The following CDH13 variants were observed in gnomAD, a reference collection of about 807,000 sequenced individuals.
CDH13 encodes the protein cadherin 13, also known as cadherin-13.
In CDH13, 24 loss-of-function variants were observed where a neutral mutation model predicts 63.8. The observed-to-expected ratio is 0.38, with a 90% CI of 0.27 to 0.53. The LOEUF (loss-of-function observed/expected upper bound fraction) is 0.53, where lower values mean the gene tolerates loss of function less well. Among genes scored for constraint, CDH13 ranks in the 20% least tolerant of loss-of-function variants. The pLI, the probability that CDH13 is intolerant of heterozygous loss-of-function variation, is 0.85. For missense variants in CDH13, 1,049 were observed against 903.1 expected, an observed-to-expected ratio of 1.16 and a Z score of -2.07; for synonymous variants, 503 against 355.3, an observed-to-expected ratio of 1.42 and a Z score of -4.67.
intron 1 of CDH13, among the ~76,000 whole-genome samples, chr16:82,638,903 T>C (rs1240960611): frequency 6.6e-6 from 1 of 151,464 alleles, no homozygotes; most frequent in African/African-American, 2.4e-5. Context: ...CACAATTCAC[T>C]GTAGTTGCTA....
chr16:83,172,143 A>T (rs750368425), intron 4 of CDH13, among the ~76,000 whole-genome samples: 65 of 150,500 alleles, frequency 4.3e-4, no homozygotes, highest in Non-Finnish European at 9.1e-4. Flanking sequence ...ACTGATGCCT[A>T]TAAAAAGAGA....
chr16:83,750,775 G>A (rs995223096), intron 11 of CDH13, among the ~76,000 whole-genome samples: 1 of 152,156 alleles, frequency 6.6e-6, no homozygotes, highest in Admixed American at 6.5e-5. Flanking sequence ...TCCCTCAGCA[G>A]GAACCAAACC....
At chr16:83,495,425 T>G (rs569658116) in intron 7 of CDH13, among the ~76,000 whole-genome samples, 4 of 152,132 alleles carry the variant, frequency 2.6e-5, no homozygotes, top group Non-Finnish European at 4.4e-5. Context: ...GTTCTTACTA[T>G]GTAGACGAAG....
At chr16:83,110,455 C>T (rs35228711) in intron 3 of CDH13, among the ~76,000 whole-genome samples, 69,231 of 151,996 alleles carry the variant, frequency 0.46, 16,455 homozygotes, top group Middle Eastern at 0.62. Flanking sequence ...GGGGAAAGTT[C>T]CCGAAGGGGT....
chr16:83,397,605 T>C (rs1327412155), intron 6 of CDH13: 1 of 152,110 alleles, frequency 6.6e-6, no homozygotes, highest in African/African-American at 2.4e-5. Flanking sequence ...ATCACCCCAA[T>C]ACTTAGGAGG....
chr16:82,913,094 T>A (rs1202805838), intron 2 of CDH13, among the ~76,000 whole-genome samples: 1 of 152,210 alleles, frequency 6.6e-6, no homozygotes, highest in African/African-American at 2.4e-5. Context: ...TGTATGAGAC[T>A]CTCTGAGTAA....
In CDH13 at chr16:82,729,098, G is replaced by A. The variant is rs373599515; in HGVS notation, c.45+101961G>A. The stretch of plus-strand genomic sequence containing the variant: ...TCTTTCAGTTTCCACCACATCTGCC[G>A]TTACTTCCTCTACTGAAGTCATAAA... On this transcript the variant is annotated intron_variant, in intron 1 of 13. Coordinates refer to ENST00000567109, the MANE Select transcript of CDH13 (RefSeq NM_001257.5). Among the ~76,000 whole-genome samples, 2 of 152,172 alleles carry A rather than the reference G, an allele frequency of 1.3e-5. 1 individual carries two copies.
intron 2 of CDH13, among the ~76,000 whole-genome samples, chr16:82,975,249 G>A (rs78990268): frequency 2.4e-4 from 37 of 152,332 alleles, no homozygotes; most frequent in Non-Finnish European, 5.1e-4. Flanking sequence ...CATTAGGAAA[G>A]CAGAGATAAG....
At chr16:83,105,629 C>T (rs895688473) in intron 3 of CDH13, among the ~76,000 whole-genome samples, 1 of 151,780 alleles carries the variant, frequency 6.6e-6, no homozygotes, top group Non-Finnish European at 1.5e-5. Flanking sequence ...TATTAGATGG[C>T]ATGAATTAAA....
At chr16:83,468,625 T>A (rs1304215453) in intron 6 of CDH13, among the ~76,000 whole-genome samples, 1 of 152,176 alleles carries the variant, frequency 6.6e-6, no homozygotes, top group Non-Finnish European at 1.5e-5. Flanking sequence ...GGCAAATCTT[T>A]CCTAGATAAT....
intron 8 of CDH13, among the ~76,000 whole-genome samples, chr16:83,613,900 C>G (rs1393038701): frequency 3.9e-5 from 6 of 151,966 alleles, no homozygotes; most frequent in African/African-American, 1.5e-4. Flanking sequence ...ATTTCAAATT[C>G]TTTTTTGAAT....
chr16:83,392,633 C>A (rs2091810540), intron 6 of CDH13, among the ~76,000 whole-genome samples: 1 of 152,196 alleles, frequency 6.6e-6, no homozygotes, highest in Admixed American at 6.5e-5. Flanking sequence ...TCCAAGCCCT[C>A]ATCTGGGACC....
chr16:83,270,987 C>G (rs2088789010), intron 5 of CDH13, among the ~76,000 whole-genome samples: 2 of 146,860 alleles, frequency 1.4e-5, no homozygotes, highest in South Asian at 4.6e-4. Flanking sequence ...CCCTTCTTTT[C>G]TCCCTCTCTC....
chr16:83,348,119 G>A (rs1184840376), intron 6 of CDH13, among the ~76,000 whole-genome samples: 6 of 152,152 alleles, frequency 3.9e-5, no homozygotes, highest in Non-Finnish European at 7.3e-5. Flanking sequence ...GAACCCAGGA[G>A]GCGGAAGTTG....
At chr16:83,645,759 G>A (rs760462703) in intron 8 of CDH13, among the ~76,000 whole-genome samples, 18 of 151,906 alleles carry the variant, frequency 1.2e-4, no homozygotes, top group Non-Finnish European at 1.9e-4. Context: ...AGAGCATAAG[G>A]GAAGGGGCAG....
intron 10 of CDH13, among the ~76,000 whole-genome samples, chr16:83,701,089 G>A (rs992244363): frequency 1.3e-5 from 2 of 152,194 alleles, no homozygotes; most frequent in Non-Finnish European, 2.9e-5. Context: ...ACAGTCGTGT[G>A]AGTGCTCCAG....
At chr16:83,216,045 A>G (rs2039497088) in intron 4 of CDH13, among the ~76,000 whole-genome samples, 2 of 149,972 alleles carry the variant, frequency 1.3e-5, no homozygotes, top group Admixed American at 1.3e-4. Context: ...GCTTAAGCAT[A>G]TGCCAGTAAC....
chr16:83,742,259 C>T (rs1320081573), intron 10 of CDH13, among the ~76,000 whole-genome samples: 3 of 152,134 alleles, frequency 2.0e-5, no homozygotes, highest in African/African-American at 7.2e-5. Context: ...TCCAGGGTGG[C>T]GCAGGCCCCA....
intron 1 of CDH13, chr16:82,823,119 AG>A (rs1346424294): frequency 1.3e-5 from 2 of 152,258 alleles, no homozygotes; most frequent in African/African-American, 4.8e-5. Flanking sequence ...GCCTATTCCA[AG>A]AGAGAGGCTG....
Sources: gnomAD v4.1 joint callset for allele counts (sites outside exome capture counted in the v4.1 genomes callset) on GRCh38, gnomAD v4.1.1 for gene constraint, MANE v1.5 for transcripts, NCBI Gene and HGNC (gene_info 2026-07-23, HGNC 2026-07-21) for gene names.